KDM3B: variants seen among roughly 807,000 people sequenced by gnomAD.
KDM3B encodes lysine demethylase 3B, also known as lysine-specific demethylase 3B.
KDM3B carries 10 observed loss-of-function variants against 170.0 expected under a neutral mutation model. The observed-to-expected ratio is 0.06, with a 90% CI of 0.04 to 0.10. The LOEUF is 0.10. Among genes scored for constraint, KDM3B ranks in the 10% least tolerant of loss-of-function variants. The probability of loss-of-function intolerance (pLI) is 1.00; values close to 1 mark genes in which losing one functional copy is unlikely to be tolerated. For synonymous variants in KDM3B, 831 were observed against 834.8 expected (o/e 1.00, Z 0.08); for missense variants, 1,394 against 2,195.2 (o/e 0.64, Z 7.29).
intron 2 of KDM3B, among the ~76,000 whole-genome samples, chr5:138,373,327 A>G (rs539538129): frequency 2.6e-5 from 4 of 152,286 alleles, no homozygotes; most frequent in Non-Finnish European, 4.4e-5. Flanking sequence ...GGACAGAGTG[A>G]GACCCCTGTC....
intron 5 of KDM3B, among the ~76,000 whole-genome samples, 162 bp from the exon 6 acceptor site, chr5:138,381,354 T>C (rs1470191821): frequency 6.6e-6 from 1 of 152,270 alleles, no homozygotes; most frequent in Non-Finnish European, 1.5e-5. Flanking sequence ...ATTCTAGACC[T>C]GTTGTAGCAG....
intron 11 of KDM3B, among the ~76,000 whole-genome samples, chr5:138,407,724 A>G (rs936023774): frequency 6.6e-6 from 1 of 152,154 alleles, no homozygotes; most frequent in Non-Finnish European, 1.5e-5. Flanking sequence ...AGAACCACAC[A>G]TGGACGTGCC....
Position 138,436,354 on chromosome 5 carries a change from T to A in KDM3B, c.*654T>A, listed in dbSNP as rs926706886. On this transcript the variant is annotated 3_prime_UTR_variant, in exon 24 of 24. Transcript: ENST00000314358. ...TTCATGAAAGTAGATATTTTTAGAA[T>A]TTTTGAAATACCACAGTTGTTTTCC... 5 of 152,230 alleles carry A rather than the reference T, an allele frequency of 3.3e-5. No individual in the cohort carries two copies. The highest frequency in any genetic ancestry group is 5.9e-5 in the Non-Finnish European group (4 of 68,048). The allele number at this position is 152,230 out of a possible 1,614,324, so 9.4% of individuals were successfully genotyped here. A position where few individuals can be genotyped will look rare whatever the true frequency, so the allele number is the denominator to read the frequency against.
chr5:138,387,635 A>G (rs979838165), intron 7 of KDM3B, among the ~76,000 whole-genome samples: 3 of 152,174 alleles, frequency 2.0e-5, no homozygotes, highest in Non-Finnish European at 4.4e-5. Flanking sequence ...GGGAGAGGAA[A>G]TGTCCACACA....
intron 1 of KDM3B, among the ~76,000 whole-genome samples, chr5:138,362,138 G>T (rs980098300): frequency 6.6e-6 from 1 of 152,034 alleles, no homozygotes; most frequent in Non-Finnish European, 1.5e-5. Flanking sequence ...TGGCCGACAT[G>T]ACAAAACCCT....
At chr5:138,390,263 C>CT (rs1017540536) in intron 7 of KDM3B, among the ~76,000 whole-genome samples, 3 of 151,964 alleles carry the variant, frequency 2.0e-5, no homozygotes, top group South Asian at 2.1e-4. Context: ...ATGCTGAAGG[C>CT]TTTTTTTGGG....
intron 11 of KDM3B, among the ~76,000 whole-genome samples, chr5:138,412,880 C>T (rs544671373): frequency 2.6e-5 from 4 of 152,258 alleles, no homozygotes; most frequent in East Asian, 3.9e-4. Flanking sequence ...TACGCTCAAG[C>T]GATTCTTCCA....
At chr5:138,360,567 T>C (rs1227167498) in intron 1 of KDM3B, among the ~76,000 whole-genome samples, 4 of 115,306 alleles carry the variant, frequency 3.5e-5, no homozygotes, top group Non-Finnish European at 6.6e-5. Context: ...TTAATAGTTC[T>C]ATTTCTTTTT....
chr5:138,435,868 T>G lies in KDM3B; in HGVS notation c.*168T>G, dbSNP rs531352259. The G allele has an allele frequency of 2.0e-5, 12 of 607,590 alleles. 1 individual carries two copies. The South Asian group carries it at 2.3e-4, about 12-fold the overall frequency. 37.6% of individuals were successfully genotyped at this position (607,590 alleles called of 1,614,324 possible). ...TTCTACGCTGCCTCAACACTGAAGG[T>G]TGACACAGGAAAGTCGTACTGTTCA... On this transcript the variant is annotated 3_prime_UTR_variant, in exon 24 of 24. Transcript: ENST00000314358.
chr5:138,419,310 T>A, intron 14 of KDM3B, 78 bp downstream of exon 14: 1 of 1,440,694 alleles, frequency 6.9e-7, no homozygotes, highest in African/African-American at 1.4e-5. Flanking sequence ...ACTCACACAT[T>A]ACCATCCACA....
chr5:138,390,371 C>A (rs537863286), intron 7 of KDM3B, among the ~76,000 whole-genome samples: 1 of 152,254 alleles, frequency 6.6e-6, no homozygotes, highest in African/African-American at 2.4e-5. Context: ...AATTTAGCAT[C>A]TTTACGTCTA....
chr5:138,383,785 C>T (rs1350858430), intron 6 of KDM3B, among the ~76,000 whole-genome samples: 4 of 152,030 alleles, frequency 2.6e-5, no homozygotes, highest in Admixed American at 6.6e-5. Context: ...CCTGTCTCTA[C>T]TAAAAAACAC....
intron 1 of KDM3B, among the ~76,000 whole-genome samples, chr5:138,359,465 CTTTTT>C (rs35535602): frequency 3.3e-4 from 40 of 119,570 alleles, no homozygotes; most frequent in Non-Finnish European, 7.0e-4. Flanking sequence ...CCCCCCCCAC[CTTTTT>C]TTTTTTTTTT....
intron 7 of KDM3B, among the ~76,000 whole-genome samples, chr5:138,387,107 TG>T (rs1288247324): frequency 6.6e-6 from 1 of 152,224 alleles, no homozygotes; most frequent in Non-Finnish European, 1.5e-5. Flanking sequence ...GATATGGCCA[TG>T]GAAGGTTTTT....
chr5:138,425,612 TAGC>T (rs766378125), intron 17 of KDM3B, 30 bp downstream of exon 17: 6 of 1,590,282 alleles, frequency 3.8e-6, no homozygotes, highest in Non-Finnish European at 4.3e-6. Context: ...AGTTCAGTGA[TAGC>T]AGACTGGAAA....
rs79061294 is a variant in KDM3B, at chr5:138,419,585, G to A, written c.3715+353G>A. On this transcript the variant is annotated intron_variant, in intron 14 of 23. Coordinates refer to ENST00000314358, the MANE Select transcript of KDM3B (RefSeq NM_016604.4). ...CAGGAGAATGGCATGAACCTGGGGG[G>A]CACAGCCTGCAGTGAGCCAAGATCA... 8.9e-5 allele frequency among the ~76,000 whole-genome samples: 13 copies of A among 145,532 alleles called. No individual in the cohort carries two copies. The East Asian group carries it at 2.5e-3, about 28-fold the overall frequency.
Position 138,353,161 on chromosome 5 carries a change from T to C in KDM3B, c.192+174T>C, listed in dbSNP as rs189293224. Reference sequence around the variant, plus strand: ...CACCCCGAGCGCTTGCCGGCATGGCTTCCGCGTCGGGGTGTGCGCCCCGGT... The same window carrying C: ...CACCCCGAGCGCTTGCCGGCATGGCCTCCGCGTCGGGGTGTGCGCCCCGGT... On this transcript the variant is annotated intron_variant, in intron 1 of 23. Transcript: ENST00000314358. Among the ~76,000 whole-genome samples the C allele has an allele frequency of 5.3e-3, 801 of 152,248 alleles. 3 individuals carry two copies. The highest frequency in any genetic ancestry group is 0.018 in the African/African-American group (766 of 41,562).
chr5:138,375,265 T>C lies in KDM3B; in HGVS notation c.474+59T>C. 3 of 1,088,176 alleles carry C rather than the reference T, an allele frequency of 2.8e-6. No homozygotes were observed. The East Asian group carries it at 7.1e-5, about 26-fold the overall frequency. The allele number at this position is 1,088,176 out of a possible 1,614,324, so 67.4% of individuals were successfully genotyped here. On this transcript the variant is annotated intron_variant, in intron 3 of 23. Coordinates refer to ENST00000314358, the MANE Select transcript of KDM3B (RefSeq NM_016604.4). ...ATTTTTTTCGCTGCTAATTTCTTTG[T>C]TGATATAAACATAGGTGTTTCTCCT...
At chr5:138,434,243 T>A (rs1352768662) in intron 23 of KDM3B, among the ~76,000 whole-genome samples, 1 of 152,014 alleles carries the variant, frequency 6.6e-6, no homozygotes, top group Non-Finnish European at 1.5e-5. Context: ...GGCAACAGAC[T>A]CTGTCTCTTT....
Sources: gnomAD v4.1 joint callset for allele counts (sites outside exome capture counted in the v4.1 genomes callset) on GRCh38, gnomAD v4.1.1 for gene constraint, MANE v1.5 for transcripts, NCBI Gene and HGNC (gene_info 2026-07-23, HGNC 2026-07-21) for gene names.